Variants in TEKT2 observed in about 807,000 individuals in gnomAD.
TEKT2 encodes tektin-2.
Under a neutral mutation model 49.8 loss-of-function variants are expected in TEKT2, and 45 were observed. The ratio of observed to expected loss-of-function variants is 0.90; its 90% CI spans 0.71 to 1.16. The LOEUF (loss-of-function observed/expected upper bound fraction) is 1.16, where lower values mean the gene tolerates loss of function less well. Ranked by LOEUF, TEKT2 falls within the 50% of genes most tolerant of loss-of-function variation. TEKT2 has a pLI of 0.00. For synonymous variants in TEKT2, 202 were observed against 224.6 expected, an observed-to-expected ratio of 0.90 and a Z score of 0.90; for missense variants, 523 against 551.4, an observed-to-expected ratio of 0.95 and a Z score of 0.52.
rs926274967 is a variant in TEKT2, at chr1:36,086,834, C to T, written c.619C>T (p.Arg207Cys). 8.1e-6 allele frequency: 13 copies of T among 1,614,076 alleles called. No individual in the cohort carries two copies. Among genetic ancestry groups the T allele is most frequent in the Middle Eastern group, 1.6e-4 (1 of 6,084 alleles). ...PNISLKVDPT[R>C]VPDGSTTLQQ... ...CATCTCGCTGAAGGTTGACCCCACA[C>T]GTGTACCTGATGGGTAAGAAGAGTG... Residue 207 changes from arginine to cysteine, a missense_variant, in exon 5 of 10, where the codon CGT becomes TGT. Coordinates refer to ENST00000207457, the MANE Select transcript of TEKT2 (RefSeq NM_014466.3).
At position 36,087,232 on chromosome 1, in the gene TEKT2, T is replaced by A. The variant is rs762452176; in HGVS notation, c.776T>A (p.Val259Asp). Reference sequence around the variant, plus strand: ...AACAACGAGCTTGAAGCCCAGAGAGTTGCAACGGAATTTGCCTTCAGGAAG... The same window carrying A: ...AACAACGAGCTTGAAGCCCAGAGAGATGCAACGGAATTTGCCTTCAGGAAG... The part of the protein sequence containing the change: ...ETNNELEAQR[V>D]ATEFAFRKRL... Residue 259 changes from valine (V) to aspartate (D), a missense_variant, in exon 7 of 10, where the codon GTT (valine) becomes GAT (aspartate). Transcript: ENST00000207457. The surrounding 1 kb of genome is among the most constrained non-coding windows in gnomAD (Gnocchi z 4.9). The A allele has an allele frequency of 3.7e-6, 6 of 1,613,880 alleles. No individual in the cohort carries two copies. The East Asian group carries it at 1.1e-4, about 30-fold the overall frequency.
chr1:36,085,268 G>C lies in TEKT2; in HGVS notation c.262G>C (p.Glu88Gln), dbSNP rs200973847. 6.2e-7 allele frequency: 1 copy of C among 1,614,060 alleles called. No individual in the cohort carries two copies. The highest frequency in any genetic ancestry group is 1.1e-5 in the South Asian group (1 of 91,084). Residue 88 changes from glutamate (E) to glutamine (Q), a missense_variant, in exon 3 of 10, where the codon GAG becomes CAG. By Grantham distance (29) the Glu-to-Gln change is conservative (BLOSUM62 2). Transcript: ENST00000207457. ...LDKCLTDLDAEIDALTQMKES... is the reference protein window; with the variant it reads ...LDKCLTDLDAQIDALTQMKES... ...CAAGTGTCTGACAGATTTAGATGCC[G>C]AGATCGATGCCCTGACACAGGCAGG...
rs1256532182 is a variant in TEKT2, at chr1:36,087,842, A to C, written c.1079+35A>C. 6.2e-7 allele frequency: 1 copy of C among 1,610,626 alleles called. No individual in the cohort carries two copies. The highest frequency in any genetic ancestry group is 8.5e-7 in the Non-Finnish European group (1 of 1,178,468). The stretch of plus-strand genomic sequence containing the variant: ...GGGAGTGGGCGGAAGGAGCAGTGAG[A>C]CGCTGCCCACAAATGGGGCCTCTTG... On this transcript the variant is annotated intron_variant, in intron 9 of 9. Coordinates refer to ENST00000207457, the MANE Select transcript of TEKT2 (RefSeq NM_014466.3). This position sits in a 1 kb window ranked among gnomAD's most constrained non-coding sequence, Gnocchi z 4.9.
rs766027019 is a variant in TEKT2 at position 36,085,924 on chromosome 1, G to A, written c.371G>A (p.Arg124Gln). 14 of 1,613,940 alleles carry A rather than the reference G, an allele frequency of 8.7e-6. No individual in the cohort carries two copies. The highest frequency in any genetic ancestry group is 6.7e-5 in the African/African-American group (5 of 74,916). Residue 124 changes from arginine to glutamine, a missense_variant, in exon 4 of 10, where the codon CGA (arginine) becomes CAA (glutamine). Physicochemically the swap from Arg to Gln is conservative, Grantham distance 43. Coordinates refer to ENST00000207457, the MANE Select transcript of TEKT2 (RefSeq NM_014466.3). ...TGCCTGACCCTGCGGGAAAGCCGGC[G>A]AGACATTGATGTGGTGAAGGACCCT... ...IECLTLRESRRDIDVVKDPVE... is the reference protein window; with the variant it reads ...IECLTLRESRQDIDVVKDPVE...
Position 36,087,529 on chromosome 1 carries a change from A to G in TEKT2, c.946A>G (p.Thr316Ala). ...GCTCCTGAGCCTGAAGCTGTCCCAT[A>G]CCCGGCTAGAGGCCAGAACCTACCG... ...TKLLSLKLSHTRLEARTYRPN... is the reference protein window; with the variant it reads ...TKLLSLKLSHARLEARTYRPN... The change falls in exon 8 of 10, where the codon ACC becomes GCC. Residue 316 changes from threonine to alanine, a missense_variant. Thr to Ala is a moderately conservative substitution (Grantham distance 58). Transcript: ENST00000207457. The surrounding 1 kb of genome is among the most constrained non-coding windows in gnomAD (Gnocchi z 4.9). 1 of 1,613,754 alleles carries G rather than the reference A, an allele frequency of 6.2e-7. No individual in the cohort carries two copies. The highest frequency in any genetic ancestry group is 8.5e-7 in the Non-Finnish European group (1 of 1,180,008).
At position 36,087,348 on chromosome 1, in the gene TEKT2, G is replaced by A; in HGVS notation, c.855+37G>A. 6.2e-7 allele frequency: 1 copy of A among 1,613,840 alleles called. No homozygotes were observed. The highest frequency in any genetic ancestry group is 8.5e-7 in the Non-Finnish European group (1 of 1,179,902). Reference sequence around the variant, plus strand: ...CAGGGGCCTGGACTTCCTGCTGTGGGATGAGAAGCCGCATGCCCCCGCCAG... The same window carrying A: ...CAGGGGCCTGGACTTCCTGCTGTGGAATGAGAAGCCGCATGCCCCCGCCAG... On this transcript the variant is annotated intron_variant, in intron 7 of 9. Coordinates refer to ENST00000207457, the MANE Select transcript of TEKT2 (RefSeq NM_014466.3). The surrounding 1 kb of genome is among the most constrained non-coding windows in gnomAD (Gnocchi z 4.9).
Position 36,087,835 on chromosome 1 carries a change from C to A in TEKT2, c.1079+28C>A. 1.9e-6 allele frequency: 3 copies of A among 1,611,558 alleles called. No individual in the cohort carries two copies. Among genetic ancestry groups the A allele is most frequent in the Non-Finnish European group, 2.5e-6 (3 of 1,178,950 alleles). On this transcript the variant is annotated intron_variant, in intron 9 of 9. Transcript: ENST00000207457. This position sits in a 1 kb window ranked among gnomAD's most constrained non-coding sequence, Gnocchi z 4.9. Reference sequence around the variant, plus strand: ...AGGTCTCGGGAGTGGGCGGAAGGAGCAGTGAGACGCTGCCCACAAATGGGG... The same window carrying A: ...AGGTCTCGGGAGTGGGCGGAAGGAGAAGTGAGACGCTGCCCACAAATGGGG...
In TEKT2 at chr1:36,087,800, C is replaced by T; in HGVS notation, c.1072C>T (p.Gln358Ter). Reference protein sequence around the residue: ...TIAALKQKLAQAQDALDALCK... With the variant: ...TIAALKQKLA Reference sequence around the variant, plus strand: ...CGCTGCCCTGAAGCAGAAGCTGGCGCAAGCACAGTAGGTCTCGGGAGTGGG... The same window carrying T: ...CGCTGCCCTGAAGCAGAAGCTGGCGTAAGCACAGTAGGTCTCGGGAGTGGG... The change falls in exon 9 of 10, where the codon CAA becomes TAA. Residue 358 changes from glutamine to a stop codon, truncating the protein, a stop_gained. Transcript: ENST00000207457. LOFTEE classifies it high-confidence loss of function. The surrounding 1 kb of genome is among the most constrained non-coding windows in gnomAD (Gnocchi z 4.9). 6.2e-7 allele frequency: 1 copy of T among 1,613,788 alleles called. No individual in the cohort carries two copies.
At chr1:36,086,585 A>G (rs538036592) in intron 4 of TEKT2, 119 bp from the exon 5 acceptor site, 9 of 1,354,790 alleles carry the variant, frequency 6.6e-6, no homozygotes, top group Admixed American at 1.7e-5. Flanking sequence ...CTGAAGCTCC[A>G]TTGTCTTCTG....
chr1:36,085,363 C>G, intron 3 of TEKT2, 75 bp downstream of exon 3: 1 of 1,605,526 alleles, frequency 6.2e-7, no homozygotes, highest in East Asian at 2.2e-5. Flanking sequence ...GGTTGAGAAG[C>G]CCTTGATGGG....
Position 36,087,615 on chromosome 1 carries a change from C to T in TEKT2, c.999+33C>T. Reference sequence around the variant, plus strand: ...GGTGTCCCAGTGGCGCACGGGCCCCCTAGCCAAGGTTTTCTCATATTCCTG... The same window carrying T: ...GGTGTCCCAGTGGCGCACGGGCCCCTTAGCCAAGGTTTTCTCATATTCCTG... On this transcript the variant is annotated intron_variant, in intron 8 of 9. Coordinates refer to ENST00000207457, the MANE Select transcript of TEKT2 (RefSeq NM_014466.3). The surrounding 1 kb of genome is among the most constrained non-coding windows in gnomAD (Gnocchi z 4.9). The T allele has an allele frequency of 6.2e-7, 1 of 1,613,386 alleles. No individual in the cohort carries two copies. The highest frequency in any genetic ancestry group is 8.5e-7 in the Non-Finnish European group (1 of 1,179,888).
intron 2 of TEKT2, 31 bp from the exon 3 acceptor site, chr1:36,085,132 C>A: frequency 6.2e-7 from 1 of 1,614,266 alleles, no homozygotes; most frequent in African/African-American, 1.3e-5. Context: ...AACCCCTTGA[C>A]ACCCTCTCTA....
rs1643394550 is a variant in TEKT2, at chr1:36,087,246, G to C, written c.790G>C (p.Ala264Pro). 2 of 1,614,166 alleles carry C rather than the reference G, an allele frequency of 1.2e-6. No homozygotes were observed. The highest frequency in any genetic ancestry group is 1.3e-5 in the African/African-American group (1 of 75,060). ...LEAQRVATEFAFRKRLREMEK... is the reference protein window; with the variant it reads ...LEAQRVATEFPFRKRLREMEK... ...AGCCCAGAGAGTTGCAACGGAATTT[G>C]CCTTCAGGAAGCGGCTGCGGGAGAT... is the stretch of plus-strand genomic sequence containing the variant. Residue 264 changes from alanine (A) to proline (P), a missense_variant, in exon 7 of 10, where the codon GCC becomes CCC. Physicochemically the swap from Ala to Pro is conservative, Grantham distance 27. Coordinates refer to ENST00000207457, the MANE Select transcript of TEKT2 (RefSeq NM_014466.3). This position sits in a 1 kb window ranked among gnomAD's most constrained non-coding sequence, Gnocchi z 4.9.
chr1:36,084,620 G>T lies in TEKT2; in HGVS notation c.-52-250G>T. On this transcript the variant is annotated intron_variant, in intron 1 of 9. Coordinates refer to ENST00000207457, the MANE Select transcript of TEKT2 (RefSeq NM_014466.3). The surrounding 1 kb of genome is among the most constrained non-coding windows in gnomAD (Gnocchi z 4.1). ...TTCACACACACTTCGAGGCTTCCGG[G>T]ACTCCATTATTCCTTTTTACCTGCT... is the stretch of plus-strand genomic sequence containing the variant. 1.9e-6 allele frequency: 1 copy of T among 521,476 alleles called. No individual in the cohort carries two copies. Among genetic ancestry groups the T allele is most frequent in the Non-Finnish European group, 3.5e-6 (1 of 288,404 alleles). The allele number at this position is 521,476 out of a possible 1,614,324, so 32.3% of individuals were successfully genotyped here. A position where few individuals can be genotyped will look rare whatever the true frequency, so the allele number is the denominator to read the frequency against.
rs780999742 is a variant in TEKT2, at chr1:36,086,986, G to C, written c.688G>C (p.Glu230Gln). The C allele has an allele frequency of 6.2e-7, 1 of 1,613,996 alleles. No homozygotes were observed. The highest frequency in any genetic ancestry group is 1.7e-5 in the Admixed American group (1 of 60,026). The change falls in exon 6 of 10, where the codon GAG (glutamate) becomes CAG (glutamine). Residue 230 changes from glutamate (E) to glutamine (Q), a missense_variant. Transcript: ENST00000207457. ...DFSRFNKDRA[E>Q]AEMKAATELR... The stretch of plus-strand genomic sequence containing the variant: ...CAGTCGGTTCAACAAGGACCGAGCG[G>C]AGGCTGAGATGAAGGCAGCCACAGA...
chr1:36,086,072 A>G (rs759300659), intron 4 of TEKT2, 31 bp downstream of exon 4: 2 of 1,553,754 alleles, frequency 1.3e-6, no homozygotes, highest in East Asian at 2.4e-5. Context: ...CCGCATGTTC[A>G]TGGGCCCCTG....
intron 2 of TEKT2, 25 bp downstream of exon 2, chr1:36,085,102 T>C: frequency 6.2e-7 from 1 of 1,614,158 alleles, no homozygotes; most frequent in Non-Finnish European, 8.5e-7. Context: ...CTCAGCTGGG[T>C]GGGCAAAGGG....
At chr1:36,085,799 T>A in intron 3 of TEKT2, 37 bp from the exon 4 acceptor site, 4 of 1,595,466 alleles carry the variant, frequency 2.5e-6, no homozygotes, top group Non-Finnish European at 2.6e-6. Context: ...GGATTACAGA[T>A]GTGAGCCACC....
Position 36,086,828 on chromosome 1 carries a change from C to T in TEKT2, c.613C>T (p.Pro205Ser), listed in dbSNP as rs760078059. 1.1e-5 allele frequency: 17 copies of T among 1,614,040 alleles called. No homozygotes were observed. The highest frequency in any genetic ancestry group is 1.6e-4 in the Middle Eastern group (1 of 6,084). The part of the protein sequence containing the change: ...RSPNISLKVD[P>S]TRVPDGSTTL... Reference sequence around the variant, plus strand: ...CCCAAACATCTCGCTGAAGGTTGACCCCACACGTGTACCTGATGGGTAAGA... The same window carrying T: ...CCCAAACATCTCGCTGAAGGTTGACTCCACACGTGTACCTGATGGGTAAGA... Residue 205 changes from proline (P) to serine (S), a missense_variant, in exon 5 of 10, where the codon CCC (proline) becomes TCC (serine). Physicochemically the swap from Pro to Ser is moderately conservative, Grantham distance 74. Coordinates refer to ENST00000207457, the MANE Select transcript of TEKT2 (RefSeq NM_014466.3).
Sources: gnomAD v4.1 joint callset for allele counts on GRCh38, gnomAD v4.1.1 for gene constraint, Gnocchi (gnomAD v3.1) non-coding constraint, MANE v1.5 for transcripts, NCBI Gene and HGNC (gene_info 2026-07-23, HGNC 2026-07-21) for gene names.